RPSA2: variants seen among roughly 807,000 people sequenced by gnomAD.
The protein encoded by RPSA2 is small ribosomal subunit protein uS2B.
chr19:23,868,900 G>T, the RPSA2 span, among the ~76,000 whole-genome samples: 1 of 152,116 alleles, frequency 6.6e-6, no homozygotes, highest in South Asian at 2.1e-4. Context: ...ATGGACAGAA[G>T]GCCAACTGGA....
chr19:23,820,667 A>C, the RPSA2 span, among the ~76,000 whole-genome samples: 1 of 136,052 alleles, frequency 7.4e-6, no homozygotes, highest in African/African-American at 2.8e-5. Flanking sequence ...CTTTGTATTT[A>C]TTTCTTTGCC....
chr19:23,759,205 TAAC>T, the RPSA2 span, among the ~76,000 whole-genome samples: 1 of 151,976 alleles, frequency 6.6e-6, no homozygotes, highest in Non-Finnish European at 1.5e-5. Context: ...ATATATATAA[TAAC>T]AATTATTTTA....
At chr19:23,826,911 C>T in the RPSA2 span, 21 of 488,088 alleles carry the variant, frequency 4.3e-5, no homozygotes, top group African/African-American at 1.2e-4. Context: ...TGGTTGATCT[C>T]GAACTCCTTA....
the RPSA2 span, among the ~76,000 whole-genome samples, chr19:23,783,539 CAAAAA>C: frequency 6.1e-5 from 8 of 131,040 alleles, no homozygotes; most frequent in Non-Finnish European, 1.1e-4. Flanking sequence ...TGAGCACTGC[CAAAAA>C]AAAAAAAAAA....
the RPSA2 span, among the ~76,000 whole-genome samples, chr19:23,837,881 C>T: frequency 5.9e-5 from 9 of 152,022 alleles, no homozygotes; most frequent in African/African-American, 2.2e-4. Context: ...GGTAAATAAT[C>T]ATGTCATCAG....
chr19:23,812,983 T>A, the RPSA2 span, among the ~76,000 whole-genome samples: 1 of 152,090 alleles, frequency 6.6e-6, no homozygotes, highest in African/African-American at 2.4e-5. Context: ...AAAACCAGGA[T>A]TTTGAGAGGC....
At chr19:23,761,016 T>TGTGTATATATATACAC in the RPSA2 span, among the ~76,000 whole-genome samples, 1 of 78,640 alleles carries the variant, frequency 1.3e-5, no homozygotes, top group African/African-American at 4.5e-5. Flanking sequence ...TATATGTGTG[T>TGTGTATATATATACAC]ATATATATAT....
At chr19:23,837,350 A>G in the RPSA2 span, among the ~76,000 whole-genome samples, 2 of 136,654 alleles carry the variant, frequency 1.5e-5, no homozygotes, top group Admixed American at 7.9e-5. Flanking sequence ...GCCTATTTTT[A>G]TACCAGGACC....
At chr19:23,816,359 C>A in the RPSA2 span, among the ~76,000 whole-genome samples, 2 of 152,130 alleles carry the variant, frequency 1.3e-5, no homozygotes, top group Non-Finnish European at 2.9e-5. Context: ...TGTTCTCAAT[C>A]TTCTGAGATC....
chr19:23,808,854 G>A, the RPSA2 span: 1 of 521,786 alleles, frequency 1.9e-6, no homozygotes, highest in African/African-American at 2.1e-5. Context: ...TGGATGAGAG[G>A]CCCAAATCAA....
the RPSA2 span, among the ~76,000 whole-genome samples, chr19:23,798,567 T>C: frequency 8.5e-5 from 13 of 152,274 alleles, no homozygotes; most frequent in Admixed American, 2.0e-4. Flanking sequence ...ACTTTTGAAA[T>C]GTAAAGTTTT....
chr19:23,840,896 A>G, the RPSA2 span, among the ~76,000 whole-genome samples: 1 of 146,480 alleles, frequency 6.8e-6, no homozygotes, highest in Non-Finnish European at 1.5e-5. Context: ...CAGGAGGCAG[A>G]GGTTGCGGTG....
At chr19:23,799,837 G>A in the RPSA2 span, among the ~76,000 whole-genome samples, 2 of 152,184 alleles carry the variant, frequency 1.3e-5, no homozygotes, top group East Asian at 3.8e-4. Flanking sequence ...TAACCAATTA[G>A]CATATATGGA....
At chr19:23,832,850 C>A in the RPSA2 span, 4 of 1,581,664 alleles carry the variant, frequency 2.5e-6, no homozygotes, top group Middle Eastern at 1.7e-4. Context: ...TCAACCCTTA[C>A]TACACATAAG....
the RPSA2 span, among the ~76,000 whole-genome samples, chr19:23,783,956 G>A: frequency 6.6e-6 from 1 of 152,162 alleles, no homozygotes; most frequent in Non-Finnish European, 1.5e-5. Flanking sequence ...ACCCTGTGAT[G>A]TGACTCTTCT....
At chr19:23,787,441 A>C in the RPSA2 span, among the ~76,000 whole-genome samples, 2 of 151,362 alleles carry the variant, frequency 1.3e-5, no homozygotes, top group African/African-American at 2.4e-5. Context: ...TCTCTACTAA[A>C]AAAAGAAAAA....
chr19:23,821,428 CCCTAG>C, the RPSA2 span, among the ~76,000 whole-genome samples: 1 of 152,208 alleles, frequency 6.6e-6, no homozygotes, highest in Admixed American at 6.5e-5. Context: ...AAGGCTGGAG[CCCTAG>C]TTAAGGCTTC....
chr19:23,799,604 C>T, the RPSA2 span: 1 of 139,014 alleles, frequency 7.2e-6, no homozygotes, highest in Admixed American at 7.7e-5. Flanking sequence ...TGGTAGGAAA[C>T]AAAAGAGGAC....
At chr19:23,802,603 C>A in the RPSA2 span, among the ~76,000 whole-genome samples, 1 of 152,200 alleles carries the variant, frequency 6.6e-6, no homozygotes, top group Non-Finnish European at 1.5e-5. Context: ...TCCCATCATA[C>A]AAGAGATGTC....
Sources: allele counts gnomAD v4.1 joint callset (sites outside exome capture counted in the v4.1 genomes callset), GRCh38; gene constraint gnomAD v4.1.1; transcripts MANE v1.5; gene names NCBI Gene and HGNC (gene_info 2026-07-23, HGNC 2026-07-21).